Variants in IBTK observed in about 807,000 individuals in gnomAD.
IBTK encodes the protein inhibitor of Bruton tyrosine kinase.
IBTK carries 83 observed loss-of-function variants against 154.9 expected under a neutral mutation model. The observed-to-expected ratio is 0.54, with a 90% confidence interval of 0.45 to 0.64. The LOEUF (loss-of-function observed/expected upper bound fraction) is 0.64. IBTK is among the 30% of genes least tolerant of loss of function. The pLI is 0.00. For synonymous variants in IBTK, 515 were observed against 536.1 expected (o/e 0.96, Z 0.54); for missense variants, 1,332 against 1,584.6 (o/e 0.84, Z 2.71).
At chr6:82,189,518 T>C (rs1445924125) in intron 25 of IBTK, among the ~76,000 whole-genome samples, 1 of 151,892 alleles carries the variant, frequency 6.6e-6, no homozygotes. Context: ...TTGTGCTACA[T>C]CAAAACAAGG....
intron 2 of IBTK, among the ~76,000 whole-genome samples, chr6:82,237,690 T>TAGC (rs1554188046): frequency 6.7e-6 from 1 of 149,592 alleles, no homozygotes; most frequent in African/African-American, 2.5e-5. Context: ...GTAGTAGTAG[T>TAGC]AGTAGCAGTA....
At position 82,226,335 on chromosome 6, in the gene IBTK, T is replaced by G. The variant is rs563251987; in HGVS notation, c.655-688A>C. Among the ~76,000 whole-genome samples, 7 of 152,308 alleles carry G rather than the reference T, an allele frequency of 4.6e-5. No individual in the cohort carries two copies. The East Asian group carries it at 1.4e-3, about 29-fold the overall frequency. On this transcript the variant is annotated intron_variant, in intron 5 of 28. Transcript: ENST00000306270. ...CTATTATCATTATAGCTTTCCCTCT[T>G]TTTAAAAGCACCATTTAATAGATAA...
intron 8 of IBTK, among the ~76,000 whole-genome samples, chr6:82,221,918 A>C (rs1770115650): frequency 6.6e-6 from 1 of 152,216 alleles, no homozygotes. Flanking sequence ...TAATCCAAGC[A>C]TTTTGGGAGG....
chr6:82,201,543 G>A, intron 18 of IBTK, 61 bp from the exon 19 acceptor site: 15 of 1,113,928 alleles, frequency 1.3e-5, no homozygotes, highest in Non-Finnish European at 2.0e-5. Context: ...CTGTCAAGTT[G>A]CTTACATACG....
intron 26 of IBTK, among the ~76,000 whole-genome samples, chr6:82,174,629 A>G (rs1049793503): frequency 2.0e-5 from 3 of 152,170 alleles, no homozygotes; most frequent in Non-Finnish European, 4.4e-5. Flanking sequence ...GCCAGAGTAC[A>G]AAATGCACTG....
intron 16 of IBTK, 110 bp from the exon 17 acceptor site, chr6:82,205,068 A>T (rs767629880): frequency 4.4e-5 from 21 of 478,030 alleles, no homozygotes; most frequent in Non-Finnish European, 7.0e-5. Context: ...TAAAAAAAAA[A>T]TTTGAAGTAA....
At chr6:82,225,135 TA>T (rs1329035673) in intron 6 of IBTK, among the ~76,000 whole-genome samples, 1 of 131,706 alleles carries the variant, frequency 7.6e-6, no homozygotes, top group Non-Finnish European at 1.6e-5. Context: ...CCCTCTCTAC[TA>T]AAAAATACTC....
chr6:82,232,605 T>C (rs1348846737), intron 3 of IBTK, among the ~76,000 whole-genome samples: 1 of 152,246 alleles, frequency 6.6e-6, no homozygotes, highest in Non-Finnish European at 1.5e-5. Context: ...GCTTACTAGT[T>C]AAATGCAAAC....
In IBTK at chr6:82,220,613, G is replaced by C. The variant is rs373823838; in HGVS notation, c.1225C>G (p.Leu409Val). The C allele has an allele frequency of 3.1e-6, 5 of 1,611,408 alleles. No homozygotes were observed. The African/African-American group carries it at 5.4e-5, about 17-fold the overall frequency. ...KENGGQKICI[L>V]AMDGAGRVFC... ...ACCCTTCCAGCTCCATCCATTGCAAGAATGCAAATTTTTTGACCCCCATTT... is the reference window on the plus strand; with the variant it reads ...ACCCTTCCAGCTCCATCCATTGCAACAATGCAAATTTTTTGACCCCCATTT... The change falls in exon 9 of 29, where the codon CTT becomes GTT. Residue 409 changes from leucine to valine, a missense_variant. Leu to Val is a conservative substitution (Grantham distance 32). Transcript: ENST00000306270.
chr6:82,172,261 T>G, intron 28 of IBTK, 119 bp downstream of exon 28: 1 of 973,500 alleles, frequency 1.0e-6, no homozygotes, highest in Non-Finnish European at 1.5e-6. Context: ...ACCTGGCATT[T>G]ACATTTTAAT....
chr6:82,172,406 G>A lies in IBTK; in HGVS notation c.3904C>T (p.Arg1302Ter), dbSNP rs780184006. 12 of 1,613,348 alleles carry A rather than the reference G, an allele frequency of 7.4e-6. No homozygotes were observed. The highest frequency in any genetic ancestry group is 2.7e-5 in the African/African-American group (2 of 74,978). ...LQQEAALIRS[R>*]EKPLALIQIE... ...TGAATCAGAGCCAACGGTTTTTCTC[G>A]ACTTCTAATAAGAGCTGCTTCTTGT... Residue 1302 changes from arginine (R) to a stop codon, truncating the protein, a stop_gained, in exon 28 of 29, where the codon CGA (arginine) becomes TGA (stop). Transcript: ENST00000306270. LOFTEE classifies it high-confidence loss of function.
rs1031291712 is a variant in IBTK at position 82,194,467 on chromosome 6, T to C, written c.3338+12A>G. On this transcript the variant is annotated intron_variant, in intron 23 of 28. Transcript: ENST00000306270. ...TCAAACTAACAGTTATAGAATAAAATAAAAATCCTACCTGAAAGAACCAGC... is the reference window on the plus strand; with the variant it reads ...TCAAACTAACAGTTATAGAATAAAACAAAAATCCTACCTGAAAGAACCAGC... 3 of 1,531,318 alleles carry C rather than the reference T, an allele frequency of 2.0e-6. No homozygotes were observed. Among genetic ancestry groups the C allele is most frequent in the Admixed American group, 4.1e-5 (2 of 48,294 alleles). The allele number at this position is 1,531,318 out of a possible 1,614,324, so 94.9% of individuals were successfully genotyped here. A position where few individuals can be genotyped will look rare whatever the true frequency, so the allele number is the denominator to read the frequency against.
chr6:82,190,571 A>G (rs951066694), intron 25 of IBTK, among the ~76,000 whole-genome samples: 1 of 152,198 alleles, frequency 6.6e-6, no homozygotes, highest in East Asian at 1.9e-4. Context: ...TGTAAACACA[A>G]CATTAAGTAA....
chr6:82,225,146 C>CAAA (rs71676661), intron 6 of IBTK, among the ~76,000 whole-genome samples: 2 of 142,064 alleles, frequency 1.4e-5, no homozygotes, highest in African/African-American at 2.6e-5. Context: ...AAAAAATACT[C>CAAA]AAAAAAAAAA....
At chr6:82,204,799 T>C (rs939872853) in intron 17 of IBTK, 58 bp downstream of exon 17, 1 of 1,088,924 alleles carries the variant, frequency 9.2e-7, no homozygotes, top group Non-Finnish European at 1.3e-6. Flanking sequence ...GTCAATAAAG[T>C]ACAGTAATCC....
intron 3 of IBTK, among the ~76,000 whole-genome samples, chr6:82,232,773 T>A (rs756993605): frequency 7.9e-5 from 12 of 152,096 alleles, no homozygotes; most frequent in Non-Finnish European, 1.3e-4. Flanking sequence ...CCCAGCACTT[T>A]GAGAGGCCGA....
intron 16 of IBTK, chr6:82,206,075 T>C (rs1187434783): frequency 6.6e-6 from 1 of 152,180 alleles, no homozygotes; most frequent in African/African-American, 2.4e-5. Context: ...CAAAAGCTTA[T>C]AATAATCTAG....
At position 82,211,466 on chromosome 6, in the gene IBTK, A is replaced by G. The variant is rs1263528138; in HGVS notation, c.2374+24T>C. ...GAAACAATACTACAGCAAATAAATC[A>G]GCAGCTTTAAAAAGTGCACCTACCA... On this transcript the variant is annotated intron_variant, in intron 14 of 28. Transcript: ENST00000306270. The G allele has an allele frequency of 5.0e-6, 8 of 1,606,534 alleles. No individual in the cohort carries two copies. The Admixed American group carries it at 1.2e-4, about 23-fold the overall frequency.
rs1769321944 is a variant in IBTK, at chr6:82,204,445, G to C, written c.2611+412C>G. ...TTCAAGAAAAAAAGAGATGTGCTTT[G>C]TTCAGATATATAATGGGAAAGTTAA... On this transcript the variant is annotated intron_variant, in intron 17 of 28. Coordinates refer to ENST00000306270, the MANE Select transcript of IBTK (RefSeq NM_015525.4). 2.6e-5 allele frequency among the ~76,000 whole-genome samples: 4 copies of C among 152,212 alleles called. No individual in the cohort carries two copies. The South Asian group carries it at 8.3e-4, about 32-fold the overall frequency.
Sources: allele counts gnomAD v4.1 joint callset (sites outside exome capture counted in the v4.1 genomes callset), GRCh38; gene constraint gnomAD v4.1.1; transcripts MANE v1.5; gene names NCBI Gene and HGNC (gene_info 2026-07-23, HGNC 2026-07-21).